CA10: variants seen among roughly 807,000 people sequenced by gnomAD.
CA10 encodes the protein carbonic anhydrase-related protein 10.
In CA10, 14 loss-of-function variants were observed where a neutral mutation model predicts 44.2. That is an observed-to-expected ratio of 0.32 (90% CI 0.21 to 0.50). The LOEUF is 0.50. CA10 is among the 20% of genes least tolerant of loss of function. The pLI is 0.99. For missense variants in CA10, 350 were observed against 409.7 expected, an observed-to-expected ratio of 0.85 and a Z score of 1.26; for synonymous variants, 159 against 141.6, an observed-to-expected ratio of 1.12 and a Z score of -0.87.
intron 2 of CA10, among the ~76,000 whole-genome samples, chr17:52,034,221 T>C (rs1567710311): frequency 6.6e-6 from 1 of 152,120 alleles, no homozygotes; most frequent in East Asian, 1.9e-4. Flanking sequence ...GTAGAAATAA[T>C]AAAGAGAGCA....
intron 4 of CA10, among the ~76,000 whole-genome samples, chr17:51,693,763 T>A (rs79772380): frequency 0.028 from 4,275 of 152,334 alleles, 79 homozygotes; most frequent in Non-Finnish European, 0.038. Flanking sequence ...GCCCCTAGGT[T>A]GATCCACGTC....
At chr17:52,057,309 A>G (rs999202614) in intron 2 of CA10, among the ~76,000 whole-genome samples, 1 of 151,750 alleles carries the variant, frequency 6.6e-6, no homozygotes, top group African/African-American at 2.4e-5. Flanking sequence ...AGCATAACCA[A>G]CCCTTCCTCT....
At chr17:51,784,390 G>A (rs1906178824) in intron 3 of CA10, among the ~76,000 whole-genome samples, 1 of 152,188 alleles carries the variant, frequency 6.6e-6, no homozygotes, top group Non-Finnish European at 1.5e-5. Context: ...TTGGAAATTA[G>A]GGAGGTTTAA....
chr17:51,825,447 C>G (rs539119462), intron 3 of CA10, among the ~76,000 whole-genome samples: 1 of 152,200 alleles, frequency 6.6e-6, no homozygotes, highest in South Asian at 2.1e-4. Context: ...GGGGTGTGAA[C>G]CTTGTCTGTT....
intron 3 of CA10, among the ~76,000 whole-genome samples, chr17:51,822,422 C>CAAAACAAAAACA (rs138516693): frequency 6.6e-6 from 1 of 150,430 alleles, no homozygotes; most frequent in Non-Finnish European, 1.5e-5. Context: ...CTCAAAAAAA[C>CAAAACAAAAACA]AAAACAAAAA....
At chr17:52,040,896 G>C (rs1986750120) in intron 2 of CA10, among the ~76,000 whole-genome samples, 1 of 152,028 alleles carries the variant, frequency 6.6e-6, no homozygotes, top group South Asian at 2.1e-4. Context: ...CCAAAGCCAG[G>C]GGAGAAAACT....
chr17:52,136,381 G>T (rs1323475753), intron 1 of CA10, among the ~76,000 whole-genome samples: 1 of 152,132 alleles, frequency 6.6e-6, no homozygotes, highest in Non-Finnish European at 1.5e-5. Flanking sequence ...GAATGGGGAG[G>T]ATCCTGATTT....
chr17:51,955,018 T>A (rs1769361988), intron 2 of CA10, among the ~76,000 whole-genome samples: 1 of 152,078 alleles, frequency 6.6e-6, no homozygotes, highest in African/African-American at 2.4e-5. Flanking sequence ...CTGGTGACCT[T>A]CCCACAGAAT....
intron 3 of CA10, among the ~76,000 whole-genome samples, chr17:51,804,144 A>G (rs1907041155): frequency 6.6e-6 from 1 of 152,220 alleles, no homozygotes; most frequent in Admixed American, 6.5e-5. Flanking sequence ...AGTCCTATCT[A>G]TGATGATTTT....
At chr17:51,826,017 TTGCATTG>T (rs1234406886) in intron 3 of CA10, among the ~76,000 whole-genome samples, 2 of 152,230 alleles carry the variant, frequency 1.3e-5, no homozygotes, top group African/African-American at 4.8e-5. Context: ...TATTTCATCT[TTGCATTG>T]TGCAAAATAG....
chr17:51,919,644 C>G (rs2143968978), intron 3 of CA10, among the ~76,000 whole-genome samples: 1 of 151,982 alleles, frequency 6.6e-6, no homozygotes, highest in South Asian at 2.1e-4. Flanking sequence ...TAGTTGTTCT[C>G]TTTGTTTGAT....
At chr17:51,880,443 C>T (rs970755205) in intron 3 of CA10, among the ~76,000 whole-genome samples, 1 of 151,968 alleles carries the variant, frequency 6.6e-6, no homozygotes, top group Non-Finnish European at 1.5e-5. Context: ...GTAGATGGGA[C>T]GGCATGTGCC....
intron 7 of CA10, 114 bp from the exon 8 acceptor site, chr17:51,633,764 G>T: frequency 8.8e-7 from 1 of 1,140,444 alleles, no homozygotes; most frequent in Admixed American, 2.5e-5. Context: ...ATGAGGAAAG[G>T]GCTGTATAAG....
chr17:51,661,183 C>A (rs891835058), intron 4 of CA10, among the ~76,000 whole-genome samples: 1 of 152,078 alleles, frequency 6.6e-6, no homozygotes, highest in African/African-American at 2.4e-5. Flanking sequence ...CTTATTGGCC[C>A]CTGTGACATC....
At chr17:51,763,677 T>G (rs1017868085) in intron 3 of CA10, among the ~76,000 whole-genome samples, 1 of 152,190 alleles carries the variant, frequency 6.6e-6, no homozygotes, top group African/African-American at 2.4e-5. Context: ...CCTACCTCTT[T>G]TACTGTCAAT....
intron 3 of CA10, among the ~76,000 whole-genome samples, chr17:51,831,734 A>AGCAGCAGCAGCAGCAGCAGCAGCAGC (rs1555604086): frequency 6.2e-5 from 9 of 145,898 alleles, no homozygotes; most frequent in Non-Finnish European, 7.6e-5. Flanking sequence ...CAGCAGCAGA[A>AGCAGCAGCAGCAGCAGCAGCAGCAGC]AAAGACCTTC....
intron 4 of CA10, among the ~76,000 whole-genome samples, chr17:51,654,061 C>G (rs3764798): frequency 6.6e-6 from 1 of 152,134 alleles, no homozygotes; most frequent in Admixed American, 6.5e-5. Context: ...TTATTAGGAA[C>G]GGAACTGCCC....
chr17:52,094,719 T>C (rs1988360412), intron 1 of CA10, among the ~76,000 whole-genome samples: 1 of 152,102 alleles, frequency 6.6e-6, no homozygotes, highest in Admixed American at 6.6e-5. Flanking sequence ...AGTAAGCATA[T>C]ATAAACTTGC....
intron 1 of CA10, among the ~76,000 whole-genome samples, chr17:52,120,359 C>T: frequency 6.6e-6 from 1 of 152,064 alleles, no homozygotes; most frequent in Admixed American, 6.5e-5. Context: ...TTGCTGATTC[C>T]CCAAAACAGC....
Sources: gnomAD v4.1 joint callset for allele counts (sites outside exome capture counted in the v4.1 genomes callset) on GRCh38, gnomAD v4.1.1 for gene constraint, MANE v1.5 for transcripts, NCBI Gene and HGNC (gene_info 2026-07-23, HGNC 2026-07-21) for gene names.